Variants in KHDRBS2 observed in about 807,000 individuals in gnomAD.
The protein encoded by KHDRBS2 is KH domain-containing, RNA-binding, signal transduction-associated protein 2.
KHDRBS2 carries 26 observed loss-of-function variants against 44.3 expected under a neutral mutation model. That is an observed-to-expected ratio of 0.59 (90% CI 0.43 to 0.81). The LOEUF is 0.81. Among genes scored for constraint, KHDRBS2 ranks in the 40% least tolerant of loss-of-function variants. The pLI, the probability that KHDRBS2 is intolerant of heterozygous loss-of-function variation, is 0.00. For missense variants in KHDRBS2, 476 were observed against 433.1 expected, an observed-to-expected ratio of 1.10 and a Z score of -0.88; for synonymous variants, 194 against 151.1, an observed-to-expected ratio of 1.28 and a Z score of -2.08.
At chr6:62,019,461 G>A (rs1326553906) in intron 3 of KHDRBS2, among the ~76,000 whole-genome samples, 1 of 152,008 alleles carries the variant, frequency 6.6e-6, no homozygotes, top group Non-Finnish European at 1.5e-5. Context: ...TGGCATCATA[G>A]AATGAACTGG....
chr6:61,597,730 T>TATATATATATATATATATATATATATATA, the KHDRBS2 span, among the ~76,000 whole-genome samples: 3 of 31,388 alleles, frequency 9.6e-5, no homozygotes, highest in South Asian at 8.1e-4. Flanking sequence ...ATTTTGCACC[T>TATATATATATATATATATATATATATATA]TTTATATATA....
At chr6:61,827,672 A>G (rs1293454155) in intron 6 of KHDRBS2, among the ~76,000 whole-genome samples, 1 of 152,158 alleles carries the variant, frequency 6.6e-6, no homozygotes, top group African/African-American at 2.4e-5. Context: ...GGAGGCTGGT[A>G]GTCCGAGATC....
chr6:62,258,131 A>C (rs1180925160), intron 1 of KHDRBS2, among the ~76,000 whole-genome samples: 2 of 152,028 alleles, frequency 1.3e-5, no homozygotes, highest in Admixed American at 6.6e-5. Flanking sequence ...TTTTGATTAA[A>C]GGGTTACTGT....
chr6:61,588,586 C>A, the KHDRBS2 span, among the ~76,000 whole-genome samples: 2 of 152,084 alleles, frequency 1.3e-5, no homozygotes. Flanking sequence ...AGTTTGAGAT[C>A]AACCTGGGCA....
rs564995058 is a variant in KHDRBS2, at chr6:62,135,436, C to T, written c.219+41749G>A. 1.3e-3 allele frequency among the ~76,000 whole-genome samples: 200 copies of T among 152,212 alleles called. 1 individual carries two copies. Among genetic ancestry groups the T allele is most frequent in the African/African-American group, 4.6e-3 (191 of 41,532 alleles). ...TCAGCAGCGTGAAAATAGACTAATGCAGCTGGTACAGCCATTATGGAAAAC... is the reference window on the plus strand; with the variant it reads ...TCAGCAGCGTGAAAATAGACTAATGTAGCTGGTACAGCCATTATGGAAAAC... On this transcript the variant is annotated intron_variant, in intron 2 of 8. Coordinates refer to ENST00000281156, the MANE Select transcript of KHDRBS2 (RefSeq NM_152688.4).
rs1232648187 is a variant in KHDRBS2, at chr6:61,778,486, G to T, written c.811-45722C>A. 3.3e-5 allele frequency among the ~76,000 whole-genome samples: 5 copies of T among 151,200 alleles called. 1 individual carries two copies. Among genetic ancestry groups the T allele is most frequent in the Admixed American group, 2.0e-4 (3 of 15,208 alleles). ...CAGGTACCATGTAACCTTCCAAACA[G>T]AAAGGCATAGTAAACATGACTTACA... On this transcript the variant is annotated intron_variant, in intron 6 of 8. Coordinates refer to ENST00000281156, the MANE Select transcript of KHDRBS2 (RefSeq NM_152688.4).
At chr6:61,754,679 A>G (rs1778229904) in intron 6 of KHDRBS2, among the ~76,000 whole-genome samples, 1 of 151,588 alleles carries the variant, frequency 6.6e-6, no homozygotes, top group South Asian at 2.1e-4. Flanking sequence ...GATTCAGTAT[A>G]GTGTGTGGAG....
chr6:62,098,400 G>T (rs758625425), intron 2 of KHDRBS2, among the ~76,000 whole-genome samples: 7 of 151,952 alleles, frequency 4.6e-5, no homozygotes, highest in Non-Finnish European at 8.8e-5. Context: ...AACTTTGCTG[G>T]CTCCAGCATT....
chr6:61,733,590 C>T (rs982575510), intron 6 of KHDRBS2, among the ~76,000 whole-genome samples: 2 of 147,674 alleles, frequency 1.4e-5, no homozygotes, highest in African/African-American at 5.0e-5. Context: ...GCATGAAACT[C>T]CATCTCAAAA....
intron 1 of KHDRBS2, among the ~76,000 whole-genome samples, chr6:62,181,396 C>T (rs1481628679): frequency 2.0e-5 from 3 of 151,830 alleles, no homozygotes; most frequent in Non-Finnish European, 4.4e-5. Context: ...CCTGAATAGG[C>T]ATTTCTCCAA....
chr6:61,931,015 T>C (rs1809939678), intron 4 of KHDRBS2, among the ~76,000 whole-genome samples: 1 of 152,072 alleles, frequency 6.6e-6, no homozygotes, highest in Non-Finnish European at 1.5e-5. Context: ...GCATATGTAA[T>C]AAAATACCAC....
At chr6:62,242,662 G>A (rs1834879497) in intron 1 of KHDRBS2, among the ~76,000 whole-genome samples, 1 of 152,058 alleles carries the variant, frequency 6.6e-6, no homozygotes, top group Non-Finnish European at 1.5e-5. Context: ...TCCCCTAGGA[G>A]TTAACTACAT....
the KHDRBS2 span, among the ~76,000 whole-genome samples, chr6:61,561,723 T>G: frequency 6.6e-6 from 1 of 152,174 alleles, no homozygotes; most frequent in Non-Finnish European, 1.5e-5. Context: ...CTGCCAGACT[T>G]GGTACTTACC....
chr6:61,960,934 G>A (rs1768550787), intron 4 of KHDRBS2, among the ~76,000 whole-genome samples: 1 of 152,038 alleles, frequency 6.6e-6, no homozygotes, highest in South Asian at 2.1e-4. Flanking sequence ...AAAAAGTAAA[G>A]AGCATCATGC....
At chr6:61,850,720 A>C (rs1470607733) in intron 6 of KHDRBS2, among the ~76,000 whole-genome samples, 1 of 152,172 alleles carries the variant, frequency 6.6e-6, no homozygotes, top group Non-Finnish European at 1.5e-5. Flanking sequence ...ACCTAGGATC[A>C]AGCTCATGTC....
chr6:62,220,017 T>C (rs745405753), intron 1 of KHDRBS2, among the ~76,000 whole-genome samples: 4 of 150,040 alleles, frequency 2.7e-5, no homozygotes, highest in Non-Finnish European at 5.9e-5. Flanking sequence ...TTTTTAAAAA[T>C]AAAAAAGACA....
chr6:61,963,866 T>C (rs1769308551), intron 4 of KHDRBS2, among the ~76,000 whole-genome samples: 1 of 152,062 alleles, frequency 6.6e-6, no homozygotes, highest in Non-Finnish European at 1.5e-5. Context: ...ATTAGAATAA[T>C]TTCTTACCAA....
the KHDRBS2 span, among the ~76,000 whole-genome samples, chr6:61,591,153 A>G: frequency 8.2e-3 from 1,245 of 152,284 alleles, 10 homozygotes; most frequent in Middle Eastern, 0.034. Context: ...CTTGTGGGGA[A>G]ATAATGTGCC....
At chr6:62,097,789 G>A (rs1384467409) in intron 2 of KHDRBS2, among the ~76,000 whole-genome samples, 1 of 151,938 alleles carries the variant, frequency 6.6e-6, no homozygotes, top group Admixed American at 6.6e-5. Flanking sequence ...TTTGTGTATT[G>A]CACACGTTTA....
Sources: allele counts gnomAD v4.1 joint callset (sites outside exome capture counted in the v4.1 genomes callset), GRCh38; gene constraint gnomAD v4.1.1; transcripts MANE v1.5; gene names NCBI Gene and HGNC (gene_info 2026-07-23, HGNC 2026-07-21).